CNTLN: variants seen among roughly 807,000 people sequenced by gnomAD.
The protein encoded by CNTLN is centlein, also known as centlein, centrosomal protein.
CNTLN carries 212 observed loss-of-function variants against 180.0 expected under a neutral mutation model. That is an observed-to-expected ratio of 1.18 (90% confidence interval 1.05 to 1.32). The LOEUF is 1.32. Ranked by LOEUF, CNTLN falls within the 40% of genes most tolerant of loss-of-function variation. CNTLN has a pLI of 0.00. For synonymous variants in CNTLN, 722 were observed against 563.1 expected (o/e 1.28, Z -3.99); for missense variants, 2,095 against 1,610.9 (o/e 1.30, Z -5.14).
At chr9:17,142,102 A>C (rs1161275317) in intron 1 of CNTLN, among the ~76,000 whole-genome samples, 1 of 151,288 alleles carries the variant, frequency 6.6e-6, no homozygotes, top group Admixed American at 6.6e-5. Flanking sequence ...AAAAAAAAAA[A>C]AGAAGAATAA....
intron 12 of CNTLN, among the ~76,000 whole-genome samples, chr9:17,353,349 T>C (rs573311114): frequency 1.3e-5 from 2 of 150,634 alleles, no homozygotes; most frequent in East Asian, 3.9e-4. Flanking sequence ...CTATGAGGGT[T>C]CTAATTTCCC....
At chr9:17,273,241 C>G (rs978581072) in intron 5 of CNTLN, among the ~76,000 whole-genome samples, 2 of 152,066 alleles carry the variant, frequency 1.3e-5, no homozygotes, top group African/African-American at 4.8e-5. Context: ...GTAAATTTCA[C>G]CACAGTCAAG....
chr9:17,470,646 T>C (rs75968342), intron 23 of CNTLN, among the ~76,000 whole-genome samples: 7,339 of 151,964 alleles, frequency 0.048, 204 homozygotes, highest in Middle Eastern at 0.11. Flanking sequence ...TCCTAATAAC[T>C]GAATAAAACA....
chr9:17,408,860 A>G (rs924307538), intron 15 of CNTLN, among the ~76,000 whole-genome samples: 1 of 151,598 alleles, frequency 6.6e-6, no homozygotes, highest in African/African-American at 2.4e-5. Flanking sequence ...TTATTCAGTG[A>G]TAAATAGCCA....
At chr9:17,395,785 T>C (rs1826470107) in intron 15 of CNTLN, among the ~76,000 whole-genome samples, 1 of 152,142 alleles carries the variant, frequency 6.6e-6, no homozygotes, top group Admixed American at 6.6e-5. Flanking sequence ...CATTCATATA[T>C]GCACTTGAAA....
chr9:17,177,822 A>G (rs1820823327), intron 2 of CNTLN, among the ~76,000 whole-genome samples: 1 of 152,134 alleles, frequency 6.6e-6, no homozygotes, highest in Non-Finnish European at 1.5e-5. Flanking sequence ...AGAGCGAAAG[A>G]ACAAAGCTTC....
At chr9:17,418,270 C>A (rs1281044079) in intron 18 of CNTLN, among the ~76,000 whole-genome samples, 1 of 151,894 alleles carries the variant, frequency 6.6e-6, no homozygotes, top group African/African-American at 2.4e-5. Context: ...TAGTGATTAA[C>A]TAGAATTAGA....
intron 15 of CNTLN, among the ~76,000 whole-genome samples, chr9:17,404,344 T>C (rs1473014059): frequency 1.3e-5 from 2 of 151,732 alleles, no homozygotes; most frequent in African/African-American, 4.9e-5. Flanking sequence ...TTTAACCAAG[T>C]AACCCACTGG....
intron 8 of CNTLN, among the ~76,000 whole-genome samples, chr9:17,328,702 G>A (rs1455302685): frequency 6.6e-6 from 1 of 152,102 alleles, no homozygotes; most frequent in African/African-American, 2.4e-5. Flanking sequence ...TAATATGTAT[G>A]CAAAATGCCT....
chr9:17,192,120 C>T (rs559244079), intron 2 of CNTLN, among the ~76,000 whole-genome samples: 2 of 152,198 alleles, frequency 1.3e-5, no homozygotes, highest in African/African-American at 4.8e-5. Context: ...GTTTAACAAG[C>T]ATAATGTTAA....
intron 15 of CNTLN, among the ~76,000 whole-genome samples, chr9:17,405,563 A>G (rs1311089697): frequency 6.6e-6 from 1 of 151,620 alleles, no homozygotes; most frequent in Non-Finnish European, 1.5e-5. Flanking sequence ...TAAATCGTTC[A>G]TGAGGACTCA....
chr9:17,217,433 C>T (rs879854826), intron 2 of CNTLN, among the ~76,000 whole-genome samples: 1 of 152,206 alleles, frequency 6.6e-6, no homozygotes, highest in Non-Finnish European at 1.5e-5. Flanking sequence ...GTAGTCAAGC[C>T]TGAGTGAACA....
At chr9:17,416,312 G>A (rs1193640904) in intron 18 of CNTLN, 123 bp downstream of exon 18, 2 of 755,374 alleles carry the variant, frequency 2.6e-6, no homozygotes, top group Non-Finnish European at 4.0e-6. Flanking sequence ...AAAATCCCAG[G>A]CACTGTTTAC....
chr9:17,233,347 TAAA>T (rs1824928042), intron 3 of CNTLN, among the ~76,000 whole-genome samples: 2 of 152,142 alleles, frequency 1.3e-5, no homozygotes, highest in Non-Finnish European at 2.9e-5. Flanking sequence ...TTAAACATGA[TAAA>T]AATTTAGAAA....
intron 6 of CNTLN, 119 bp downstream of exon 6, chr9:17,273,985 A>G (rs951445740): frequency 9.0e-6 from 7 of 780,658 alleles, no homozygotes; most frequent in Non-Finnish European, 1.4e-5. Flanking sequence ...GTGGTTATAT[A>G]TGTTTGTGCA....
intron 3 of CNTLN, among the ~76,000 whole-genome samples, chr9:17,231,994 C>G (rs1824844713): frequency 6.6e-6 from 1 of 151,990 alleles, no homozygotes; most frequent in Non-Finnish European, 1.5e-5. Context: ...CCTCTGAATT[C>G]TGTTTGCTGT....
chr9:17,404,270 T>G (rs1341305571), intron 15 of CNTLN, among the ~76,000 whole-genome samples: 2 of 151,790 alleles, frequency 1.3e-5, no homozygotes, highest in Non-Finnish European at 2.9e-5. Context: ...GTTTATTATT[T>G]TATCTCCAAG....
chr9:17,251,769 C>A (rs1287898940), intron 5 of CNTLN, among the ~76,000 whole-genome samples: 2 of 151,744 alleles, frequency 1.3e-5, no homozygotes, highest in Admixed American at 6.6e-5. Flanking sequence ...TCAGTTGCTT[C>A]GAAATACATG....
chr9:17,157,730 G>A (rs1049470832), intron 2 of CNTLN, among the ~76,000 whole-genome samples: 1 of 152,152 alleles, frequency 6.6e-6, no homozygotes, highest in African/African-American at 2.4e-5. Flanking sequence ...TCTTTGCCAA[G>A]CATGCCAGAC....
Sources: gnomAD v4.1 joint callset for allele counts (sites outside exome capture counted in the v4.1 genomes callset) on GRCh38, gnomAD v4.1.1 for gene constraint, MANE v1.5 for transcripts, NCBI Gene and HGNC (gene_info 2026-07-23, HGNC 2026-07-21) for gene names.